SPATA6: variants seen among roughly 807,000 people sequenced by gnomAD.
SPATA6 encodes spermatogenesis associated 6.
Under a neutral mutation model 65.3 loss-of-function variants are expected in SPATA6, and 56 were observed. The observed-to-expected ratio is 0.86, with a 90% confidence interval of 0.69 to 1.07. The LOEUF (loss-of-function observed/expected upper bound fraction) is 1.07, where lower values mean the gene tolerates loss of function less well. Among genes scored for constraint, SPATA6 ranks in the 50% least tolerant of loss-of-function variants. The probability of loss-of-function intolerance (pLI) is 0.00; values close to 1 mark genes in which losing one functional copy is unlikely to be tolerated. For synonymous variants in SPATA6, 199 were observed against 213.2 expected (o/e 0.93, Z 0.58); for missense variants, 590 against 594.8 (o/e 0.99, Z 0.08).
rs1644842220 is a variant in SPATA6, at chr1:48,297,858, T to C, written c.*855A>G. On this transcript the variant is annotated 3_prime_UTR_variant, in exon 13 of 13. Coordinates refer to ENST00000371847, the MANE Select transcript of SPATA6 (RefSeq NM_019073.4). ...AGTGTTTTTTTTTTTAAAGTGAGGATACTATAATAGTGCCTTGGGCCATAT... is the reference window on the plus strand; with the variant it reads ...AGTGTTTTTTTTTTTAAAGTGAGGACACTATAATAGTGCCTTGGGCCATAT... The C allele has an allele frequency of 6.6e-6, 1 of 152,056 alleles. No individual in the cohort carries two copies. Among genetic ancestry groups the C allele is most frequent in the African/African-American group, 2.4e-5 (1 of 41,422 alleles). 9.4% of individuals were successfully genotyped at this position (152,056 alleles called of 1,614,324 possible).
chr1:48,369,137 G>T (rs1385306502), intron 9 of SPATA6, among the ~76,000 whole-genome samples: 1 of 152,156 alleles, frequency 6.6e-6, no homozygotes, highest in African/African-American at 2.4e-5. Flanking sequence ...GCTGCTGCCT[G>T]ATCGGTCCTC....
At chr1:48,299,341 C>T (rs913800314) in intron 12 of SPATA6, among the ~76,000 whole-genome samples, 1 of 151,282 alleles carries the variant, frequency 6.6e-6, no homozygotes, top group African/African-American at 2.4e-5. Flanking sequence ...TGGAGAAACC[C>T]CATATCTACT....
the SPATA6 span, among the ~76,000 whole-genome samples, chr1:48,275,160 G>T: frequency 1.3e-5 from 2 of 152,256 alleles, no homozygotes; most frequent in East Asian, 1.9e-4. Context: ...TGGTACATAG[G>T]AATGCTTGTA....
intron 11 of SPATA6, among the ~76,000 whole-genome samples, chr1:48,339,791 A>G (rs1646158312): frequency 1.3e-5 from 2 of 152,108 alleles, no homozygotes; most frequent in South Asian, 4.1e-4. Flanking sequence ...AAACGATCTA[A>G]TAGAGGTAAT....
intron 11 of SPATA6, among the ~76,000 whole-genome samples, chr1:48,315,086 G>C (rs1645366589): frequency 6.6e-6 from 1 of 152,128 alleles, no homozygotes; most frequent in Non-Finnish European, 1.5e-5. Flanking sequence ...GGACCAGACG[G>C]ATTCACAGCC....
chr1:48,376,416 TATC>T (rs546806203), intron 9 of SPATA6, among the ~76,000 whole-genome samples: 36 of 152,078 alleles, frequency 2.4e-4, no homozygotes, highest in Admixed American at 3.9e-4. Flanking sequence ...CAATAAATGG[TATC>T]ATCAAACACT....
chr1:48,268,555 T>C, the SPATA6 span, among the ~76,000 whole-genome samples: 1 of 149,960 alleles, frequency 6.7e-6, no homozygotes, highest in Non-Finnish European at 1.5e-5. Flanking sequence ...TGTGCTAAAT[T>C]AAAAAAAAAA....
chr1:48,291,622 T>C (rs1176288523), downstream of SPATA6, among the ~76,000 whole-genome samples: 1 of 152,154 alleles, frequency 6.6e-6, no homozygotes, highest in East Asian at 1.9e-4. Context: ...CTGAGTTTAT[T>C]TCCAGGCAGC....
At chr1:48,268,302 ATATG>A in the SPATA6 span, among the ~76,000 whole-genome samples, 2 of 99,100 alleles carry the variant, frequency 2.0e-5, no homozygotes, top group Admixed American at 1.0e-4. Context: ...AAAAATAAAA[ATATG>A]TGTGTGTGTG....
intron 7 of SPATA6, chr1:48,399,062 T>C (rs985050985): frequency 1.8e-5 from 5 of 271,856 alleles, no homozygotes; most frequent in Non-Finnish European, 3.4e-5. Flanking sequence ...TACAACCAAG[T>C]TCAATTGGTA....
intron 11 of SPATA6, among the ~76,000 whole-genome samples, chr1:48,354,967 T>G (rs1409976589): frequency 6.6e-6 from 1 of 152,030 alleles, no homozygotes; most frequent in African/African-American, 2.4e-5. Flanking sequence ...TATAGAAACT[T>G]AAAACTGTAA....
intron 3 of SPATA6, among the ~76,000 whole-genome samples, chr1:48,429,270 ATTC>A (rs1193388805): frequency 6.6e-6 from 1 of 152,274 alleles, no homozygotes; most frequent in Admixed American, 6.5e-5. Flanking sequence ...AAGGACCAGA[ATTC>A]TTCTTCCCTC....
chr1:48,372,658 AG>A (rs1647417472), intron 9 of SPATA6, among the ~76,000 whole-genome samples: 1 of 152,194 alleles, frequency 6.6e-6, no homozygotes, highest in South Asian at 2.1e-4. Flanking sequence ...GCACTGCCTT[AG>A]CACAAGTTCT....
chr1:48,418,654 G>A (rs1158977327), intron 3 of SPATA6, among the ~76,000 whole-genome samples: 1 of 151,070 alleles, frequency 6.6e-6, no homozygotes, highest in African/African-American at 2.4e-5. Context: ...AGCCTGGGAG[G>A]CAGAGGTCAC....
intron 11 of SPATA6, among the ~76,000 whole-genome samples, chr1:48,347,147 C>G (rs1396842620): frequency 6.6e-6 from 1 of 151,726 alleles, no homozygotes; most frequent in East Asian, 1.9e-4. Context: ...AACAGAGAAC[C>G]CAGAAATAAG....
chr1:48,380,735 A>G (rs1416044), intron 9 of SPATA6, among the ~76,000 whole-genome samples: 20,537 of 152,260 alleles, frequency 0.13, 1,828 homozygotes, highest in South Asian at 0.22. Flanking sequence ...ATTTGTGTGT[A>G]GAACAAATAC....
At chr1:48,330,221 C>T (rs1208100267) in intron 11 of SPATA6, among the ~76,000 whole-genome samples, 1 of 152,196 alleles carries the variant, frequency 6.6e-6, no homozygotes, top group African/African-American at 2.4e-5. Context: ...CCAGAGGTCC[C>T]ACTTTTGTGT....
chr1:48,445,807 T>C (rs185369615), intron 3 of SPATA6, among the ~76,000 whole-genome samples: 77 of 152,164 alleles, frequency 5.1e-4, no homozygotes, highest in African/African-American at 1.6e-3. Context: ...ATGAAAAGTA[T>C]GGAACACAGA....
At chr1:48,362,382 A>T (rs1204480356) in intron 9 of SPATA6, among the ~76,000 whole-genome samples, 1 of 152,178 alleles carries the variant, frequency 6.6e-6, no homozygotes, top group African/African-American at 2.4e-5. Context: ...TTTCAATGTC[A>T]ATTGAGACAT....
Sources: gnomAD v4.1 joint callset for allele counts (sites outside exome capture counted in the v4.1 genomes callset) on GRCh38, gnomAD v4.1.1 for gene constraint, MANE v1.5 for transcripts, NCBI Gene and HGNC (gene_info 2026-07-23, HGNC 2026-07-21) for gene names.